Variants in LEO1 observed in about 807,000 individuals in gnomAD.
LEO1 encodes LEO1 component of Paf1/RNA polymerase II complex.
In LEO1, 34 loss-of-function variants were observed where a neutral mutation model predicts 80.4. The observed-to-expected ratio is 0.42, with a 90% CI of 0.32 to 0.56. The LOEUF (loss-of-function observed/expected upper bound fraction) is 0.56, where lower values mean the gene tolerates loss of function less well. Among genes scored for constraint, LEO1 ranks in the 20% least tolerant of loss-of-function variants. The pLI is 0.10. For missense variants in LEO1, 631 were observed against 814.2 expected (o/e 0.77, Z 2.74); for synonymous variants, 262 against 274.9 (o/e 0.95, Z 0.46).
At position 51,949,929 on chromosome 15, in the gene LEO1, T is replaced by C. The variant is rs1204958073; in HGVS notation, c.1677A>G (p.Lys559=). 1 of 1,613,982 alleles carries C rather than the reference T, an allele frequency of 6.2e-7. No homozygotes were observed. The highest frequency in any genetic ancestry group is 1.1e-5 in the South Asian group (1 of 91,064). ...TGGCGCTCAGCCCCCGCTGGTGCTGTTTCTCTCTCATTCGGCGCTGCTGAG... is the reference window on the plus strand; with the variant it reads ...TGGCGCTCAGCCCCCGCTGGTGCTGCTTCTCTCTCATTCGGCGCTGCTGAG... The part of the protein sequence containing the change: ...RESQQRRMRE[K]QHQRGLSASY... Residue 559 remains lysine, a synonymous_variant, in exon 10 of 12, where the codon AAA becomes AAG. Transcript: ENST00000299601.
intron 6 of LEO1, chr15:51,954,903 C>T (rs1403015971): frequency 2.2e-5 from 4 of 182,382 alleles, no homozygotes; most frequent in Non-Finnish European, 4.5e-5. Context: ...AAGGGTCAGG[C>T]GATAAAACTT....
intron 9 of LEO1, 149 bp downstream of exon 9, chr15:51,951,695 A>C (rs918437431): frequency 6.2e-6 from 4 of 648,974 alleles, no homozygotes; most frequent in Non-Finnish European, 1.0e-5. Context: ...TTGTTTGGCA[A>C]ATGCTGAGGA....
chr15:51,941,979 T>C (rs2056856817), intron 11 of LEO1, among the ~76,000 whole-genome samples: 1 of 152,216 alleles, frequency 6.6e-6, no homozygotes, highest in Admixed American at 6.5e-5. Flanking sequence ...AGACTGGCCC[T>C]TGCCCCCATT....
chr15:51,945,098 A>C (rs1329440842), intron 11 of LEO1, among the ~76,000 whole-genome samples: 1 of 151,962 alleles, frequency 6.6e-6, no homozygotes, highest in Non-Finnish European at 1.5e-5. Flanking sequence ...GAAAACTTCC[A>C]ATGAAAACCA....
At chr15:51,942,584 G>A (rs538330339) in intron 11 of LEO1, among the ~76,000 whole-genome samples, 1 of 152,290 alleles carries the variant, frequency 6.6e-6, no homozygotes, top group South Asian at 2.1e-4. Context: ...GCATCATTAA[G>A]ATGTTGCCTC....
chr15:51,950,054 AC>A, intron 9 of LEO1, 60 bp from the exon 10 acceptor site: 1 of 1,390,368 alleles, frequency 7.2e-7, no homozygotes, highest in Non-Finnish European at 9.7e-7. Context: ...GCCCACTTGA[AC>A]CCACTTTTAT....
chr15:51,971,176 T>C (rs1370021236), intron 1 of LEO1, among the ~76,000 whole-genome samples: 1 of 152,190 alleles, frequency 6.6e-6, no homozygotes, highest in African/African-American at 2.4e-5. Flanking sequence ...AACATCTATC[T>C]GTAACCCCAT....
intron 3 of LEO1, 133 bp downstream of exon 3, chr15:51,962,256 C>A: frequency 1.9e-6 from 1 of 526,944 alleles, no homozygotes. Flanking sequence ...TCTCTGAGTA[C>A]ACTGAGCGTA....
In LEO1 at chr15:51,966,174, G is replaced by A; in HGVS notation, c.389C>T (p.Ser130Leu). The change falls in exon 2 of 12, where the codon TCA (serine) becomes TTA (leucine). Residue 130 changes from serine (S) to leucine (L), a missense_variant. Physicochemically the swap from Ser to Leu is moderately radical, Grantham distance 145. Coordinates refer to ENST00000299601, the MANE Select transcript of LEO1 (RefSeq NM_138792.4). ...TGCTTTTTCAGAACCTTCTGCTTCT[G>A]AATGATGGCTCCCTCCATCCGATCT... ...GHRSDGGSHH[S>L]EAEGSEKAHS... The A allele has an allele frequency of 6.2e-7, 1 of 1,613,910 alleles. No individual in the cohort carries two copies.
At chr15:51,959,003 TC>T in intron 5 of LEO1, among the ~76,000 whole-genome samples, 177 bp from the exon 6 acceptor site, 1 of 151,594 alleles carries the variant, frequency 6.6e-6, no homozygotes, top group African/African-American at 2.4e-5. Flanking sequence ...TGTACTTTTT[TC>T]TTTTTTTTTT....
At chr15:51,970,669 G>A (rs544605858) in intron 1 of LEO1, among the ~76,000 whole-genome samples, 1 of 152,314 alleles carries the variant, frequency 6.6e-6, no homozygotes, top group African/African-American at 2.4e-5. Flanking sequence ...GCAGACAGGG[G>A]TTGGAGGAAG....
chr15:51,960,059 G>C lies in LEO1; in HGVS notation c.1015-15C>G, dbSNP rs375775459. 17 of 1,606,182 alleles carry C rather than the reference G, an allele frequency of 1.1e-5. No homozygotes were observed. The highest frequency in any genetic ancestry group is 2.7e-5 in the African/African-American group (2 of 74,468). On this transcript the variant is annotated splice_polypyrimidine_tract_variant and intron_variant, in intron 4 of 11. Transcript: ENST00000299601. ...CCATTTTCATCCTAGTGAAAGAATC[G>C]GAAGTTTGGAGCTTGACAGGACCTT... is the stretch of plus-strand genomic sequence containing the variant.
intron 11 of LEO1, among the ~76,000 whole-genome samples, chr15:51,942,377 G>A (rs923730902): frequency 6.6e-6 from 1 of 151,720 alleles, no homozygotes; most frequent in African/African-American, 2.4e-5. Flanking sequence ...GTGTAGGTTT[G>A]CAACTGCCCA....
At chr15:51,967,887 G>A (rs1208681572) in intron 1 of LEO1, among the ~76,000 whole-genome samples, 5 of 152,190 alleles carry the variant, frequency 3.3e-5, no homozygotes, top group East Asian at 1.9e-4. Context: ...AGCAAAGGAC[G>A]TTATTAAGAA....
At chr15:51,952,544 C>A (rs887007374) in intron 8 of LEO1, among the ~76,000 whole-genome samples, 1 of 152,014 alleles carries the variant, frequency 6.6e-6, no homozygotes, top group African/African-American at 2.4e-5. Flanking sequence ...AAGCATTACC[C>A]AAAGAGGATG....
At chr15:51,942,485 A>G (rs1237823018) in intron 11 of LEO1, among the ~76,000 whole-genome samples, 2 of 152,122 alleles carry the variant, frequency 1.3e-5, no homozygotes, top group Non-Finnish European at 2.9e-5. Flanking sequence ...ACACTTCTCA[A>G]TTTTCATTCA....
At chr15:51,952,715 C>T (rs564630767) in intron 8 of LEO1, among the ~76,000 whole-genome samples, 16 of 152,154 alleles carry the variant, frequency 1.1e-4, no homozygotes, top group South Asian at 2.1e-4. Context: ...TGAGATGGCC[C>T]GTCTCACACT....
At chr15:51,967,130 T>C (rs1277412895) in intron 1 of LEO1, among the ~76,000 whole-genome samples, 1 of 152,132 alleles carries the variant, frequency 6.6e-6, no homozygotes, top group African/African-American at 2.4e-5. Context: ...TACCAATGTA[T>C]GCATAATGGA....
chr15:51,969,702 T>C lies in LEO1; in HGVS notation c.58+1986A>G, dbSNP rs190666408. 4.4e-4 allele frequency among the ~76,000 whole-genome samples: 67 copies of C among 151,558 alleles called. 2 individuals are homozygous for C. In the East Asian group the frequency reaches 0.012, roughly 27 times the overall value. On this transcript the variant is annotated intron_variant, in intron 1 of 11. Coordinates refer to ENST00000299601, the MANE Select transcript of LEO1 (RefSeq NM_138792.4). ...ACTTAAAATACAAAAATTAGTAGGG[T>C]ATGGTGGCAGGTGCCTGTAATCACA...
Sources: gnomAD v4.1 joint callset for allele counts (sites outside exome capture counted in the v4.1 genomes callset) on GRCh38, gnomAD v4.1.1 for gene constraint, MANE v1.5 for transcripts, NCBI Gene and HGNC (gene_info 2026-07-23, HGNC 2026-07-21) for gene names.